The following LPIN1 variants were observed in gnomAD, a reference collection of about 807,000 sequenced individuals.
LPIN1 encodes the protein phosphatidate phosphatase LPIN1.
A neutral mutation model predicts 107.5 loss-of-function variants in LPIN1; 71 were observed. That is an observed-to-expected ratio of 0.66 (90% CI 0.55 to 0.80). The LOEUF (loss-of-function observed/expected upper bound fraction) is 0.80, where lower values mean the gene tolerates loss of function less well. LPIN1 is among the 30% of genes least tolerant of loss of function. LPIN1 has a pLI of 0.00. For missense variants in LPIN1, 1,043 were observed against 1,160.6 expected, an observed-to-expected ratio of 0.90 and a Z score of 1.47; for synonymous variants, 445 against 452.6, an observed-to-expected ratio of 0.98 and a Z score of 0.21.
Position 11,805,099 on chromosome 2 carries a change from C to T in LPIN1, c.2192C>T (p.Thr731Ile). The change falls in exon 17 of 21, where the codon ACC (threonine) becomes ATC (isoleucine). Residue 731 changes from threonine to isoleucine, a missense_variant. Transcript: ENST00000674199. ...GATACTCTTGGCCACATTTTGCCCA[C>T]CCTTGGGAAGGATTGGACCCATCAG... ...RSDTLGHILP[T>I]LGKDWTHQGI... 1 of 1,613,832 alleles carries T rather than the reference C, an allele frequency of 6.2e-7. No homozygotes were observed. The highest frequency in any genetic ancestry group is 8.5e-7 in the Non-Finnish European group (1 of 1,179,794).
chr2:11,773,885 A>G, intron 5 of LPIN1, 140 bp downstream of exon 5: 1 of 913,680 alleles, frequency 1.1e-6, no homozygotes, highest in African/African-American at 1.6e-5. Flanking sequence ...AGTCGGAGGT[A>G]CAGATTAGGA....
chr2:11,728,209 T>C (rs1664849065), intron 1 of LPIN1, among the ~76,000 whole-genome samples: 1 of 152,212 alleles, frequency 6.6e-6, no homozygotes, highest in Non-Finnish European at 1.5e-5. Context: ...GACCAATGCA[T>C]AGAGTCATGT....
chr2:11,804,993 T>A lies in LPIN1; in HGVS notation c.2163-77T>A, dbSNP rs1055831749. On this transcript the variant is annotated intron_variant, in intron 16 of 20. Transcript: ENST00000674199. ...TGGGTCTTGTTTGTGTTTTTTTTTT[T>A]TTTTTATGAGGCATGAATGGTGCAA... is the stretch of plus-strand genomic sequence containing the variant. The A allele has an allele frequency of 4.9e-4, 434 of 881,564 alleles. No homozygotes were observed. The highest frequency in any genetic ancestry group is 7.2e-4 in the Non-Finnish European group (396 of 550,618). 54.6% of individuals were successfully genotyped at this position (881,564 alleles called of 1,614,324 possible).
At chr2:11,775,437 A>C (rs1314022294) in intron 5 of LPIN1, among the ~76,000 whole-genome samples, 1 of 152,222 alleles carries the variant, frequency 6.6e-6, no homozygotes, top group Non-Finnish European at 1.5e-5. Flanking sequence ...AACATCTGTA[A>C]TGTTTTGCCT....
At chr2:11,795,360 C>A (rs1462085726) in intron 13 of LPIN1, 48 bp from the exon 14 acceptor site, 10 of 1,492,648 alleles carry the variant, frequency 6.7e-6, no homozygotes, top group Non-Finnish European at 7.5e-6. Flanking sequence ...TGTCTGCAAG[C>A]CCCTTCTCTG....
chr2:11,815,220 C>T lies in LPIN1; in HGVS notation c.2382C>T (p.Ser794=), dbSNP rs140332663. ...GGCCCCTGCTGCTGAGTCCCAGCAG[C>T]CTCTTCTCTGCCCTGCACAGGTACC... is the stretch of plus-strand genomic sequence containing the variant. The part of the protein sequence containing the change: ...PQGPLLLSPS[S]LFSALHREVI... Residue 794 remains serine, a synonymous_variant, in exon 18 of 21, where the codon AGC becomes AGT. Coordinates refer to ENST00000674199, the MANE Select transcript of LPIN1 (RefSeq NM_001349206.2). 1.1e-5 allele frequency: 17 copies of T among 1,613,982 alleles called. No individual in the cohort carries two copies. The African/African-American group carries it at 1.9e-4, about 18-fold the overall frequency.
At chr2:11,820,541 TTATGATA>T in intron 20 of LPIN1, 27 bp downstream of exon 20, 1 of 1,500,106 alleles carries the variant, frequency 6.7e-7, no homozygotes, top group Non-Finnish European at 9.3e-7. Flanking sequence ...TTTTATGTGA[TTATGATA>T]TCAGTACTAT....
At chr2:11,784,606 G>T (rs1394935662) in intron 9 of LPIN1, 7 of 525,994 alleles carry the variant, frequency 1.3e-5, no homozygotes, top group Non-Finnish European at 2.3e-5. Context: ...GGCGCCTGGA[G>T]GGGAAGGGCA....
rs190752813 is a variant in LPIN1, at chr2:11,802,789, C to T, written c.1887-118C>T. ...TAACGTCTTATGGTAAATGACCACC[C>T]GAGAGACGGGACTCAGGAGAGACTG... On this transcript the variant is annotated intron_variant, in intron 14 of 20. Transcript: ENST00000674199. The T allele has an allele frequency of 4.3e-4, 515 of 1,211,190 alleles. 1 individual carries two copies. Among genetic ancestry groups the T allele is most frequent in the Middle Eastern group, 5.5e-4 (2 of 3,662 alleles). The allele number at this position is 1,211,190 out of a possible 1,614,324, so 75.0% of individuals were successfully genotyped here.
intron 8 of LPIN1, among the ~76,000 whole-genome samples, chr2:11,783,464 G>A (rs889873457): frequency 1.1e-4 from 16 of 152,174 alleles, no homozygotes; most frequent in African/African-American, 3.9e-4. Flanking sequence ...CTACGGTCAC[G>A]TTGTACTGCC....
At chr2:11,696,716 C>T (rs955102995) in intron 1 of LPIN1, among the ~76,000 whole-genome samples, 88 of 152,300 alleles carry the variant, frequency 5.8e-4, no homozygotes, top group African/African-American at 1.9e-3. Flanking sequence ...GATTTGGGCA[C>T]GCTTCCGGCT....
At chr2:11,696,892 C>T (rs564456906) in intron 1 of LPIN1, among the ~76,000 whole-genome samples, 11 of 152,362 alleles carry the variant, frequency 7.2e-5, no homozygotes, top group South Asian at 2.1e-4. Context: ...TCCCTGGCTA[C>T]GCCCAGGTGT....
intron 1 of LPIN1, among the ~76,000 whole-genome samples, chr2:11,694,693 A>C (rs1489093224): frequency 1.3e-5 from 2 of 152,198 alleles, no homozygotes; most frequent in Non-Finnish European, 2.9e-5. Flanking sequence ...CATGATAGGC[A>C]TGGCTAAGTT....
intron 7 of LPIN1, 60 bp downstream of exon 7, chr2:11,779,705 G>A: frequency 3.1e-6 from 5 of 1,606,674 alleles, no homozygotes; most frequent in Non-Finnish European, 1.7e-6. Flanking sequence ...TAAATTACAT[G>A]GAATTAGTAT....
At chr2:11,819,815 G>T (rs1034468332) in intron 19 of LPIN1, among the ~76,000 whole-genome samples, 1 of 152,130 alleles carries the variant, frequency 6.6e-6, no homozygotes, top group African/African-American at 2.4e-5. Context: ...GTGGGTCAAA[G>T]CTTGAGATAT....
chr2:11,752,988 C>CT (rs1558804298), intron 1 of LPIN1, among the ~76,000 whole-genome samples: 1 of 152,204 alleles, frequency 6.6e-6, no homozygotes, highest in Non-Finnish European at 1.5e-5. Context: ...GCTGTCCTTT[C>CT]TGGAACTGTA....
At chr2:11,699,205 A>G (rs1313515273) in intron 1 of LPIN1, among the ~76,000 whole-genome samples, 2 of 152,224 alleles carry the variant, frequency 1.3e-5, no homozygotes, top group Non-Finnish European at 2.9e-5. Flanking sequence ...CACTCCTGCT[A>G]TAAATCAGTA....
At chr2:11,739,288 C>T (rs1666103732) in intron 1 of LPIN1, among the ~76,000 whole-genome samples, 1 of 152,222 alleles carries the variant, frequency 6.6e-6, no homozygotes, top group Admixed American at 6.5e-5. Flanking sequence ...AGTCAGAGGG[C>T]TCCAATCCAG....
rs1445154789 is a variant in LPIN1 at position 11,746,657 on chromosome 2, G to A, written c.-24G>A. ...GTGTTTGCAATACAAAGGCGGCCAC[G>A]CGCGGCGCCGCTCGGTGAGTAGCCG... On this transcript the variant is annotated 5_prime_UTR_variant, in exon 1 of 21. Coordinates refer to ENST00000674199, the MANE Select transcript of LPIN1 (RefSeq NM_001349206.2). 1 of 985,214 alleles carries A rather than the reference G, an allele frequency of 1.0e-6. No individual in the cohort carries two copies. The highest frequency in any genetic ancestry group is 1.2e-6 in the Non-Finnish European group (1 of 829,808). The allele number at this position is 985,214 out of a possible 1,614,324, so 61.0% of individuals were successfully genotyped here.
Sources: allele counts gnomAD v4.1 joint callset (sites outside exome capture counted in the v4.1 genomes callset), GRCh38; gene constraint gnomAD v4.1.1; transcripts MANE v1.5; gene names NCBI Gene and HGNC (gene_info 2026-07-23, HGNC 2026-07-21).